The following SERTM1 variants were observed in gnomAD, a reference collection of about 807,000 sequenced individuals.
SERTM1 encodes the protein serine rich and transmembrane domain containing 1.
A neutral mutation model predicts 5.5 loss-of-function variants in SERTM1; 1 was observed. The observed-to-expected ratio is 0.18, with a 90% confidence interval of 0.06 to 0.86. SERTM1 has a LOEUF of 0.86. Ranked by LOEUF, SERTM1 falls within the 40% of genes least tolerant of loss-of-function variation. The probability of loss-of-function intolerance (pLI) is 0.69; values close to 1 mark genes in which losing one functional copy is unlikely to be tolerated. For missense variants in SERTM1, 91 were observed against 122.4 expected, an observed-to-expected ratio of 0.74 and a Z score of 1.21; for synonymous variants, 52 against 55.1, an observed-to-expected ratio of 0.94 and a Z score of 0.25.
rs535939488 is a variant in SERTM1 at position 36,688,403 on chromosome 13, G to A, written c.-173-6503G>A. 3.9e-4 allele frequency among the ~76,000 whole-genome samples: 60 copies of A among 152,072 alleles called. 3 individuals are homozygous for A. The South Asian group carries it at 9.6e-3, about 24-fold the overall frequency. On this transcript the variant is annotated intron_variant, in intron 1 of 1. Transcript: ENST00000315190. ...AATTTTTGTATTTTTTGTAGAGATA[G>A]GTTTTCTTCATGTTGCCCAGGCTGG...
Position 36,696,971 on chromosome 13 carries a change from C to G in SERTM1, c.*1569C>G, listed in dbSNP as rs1360541211. ...AATCCACTATTTGTACAGGGTTTAT[C>G]TTTATCATACTAAAATGCTGAGTGA... is the stretch of plus-strand genomic sequence containing the variant. On this transcript the variant is annotated 3_prime_UTR_variant, in exon 2 of 2. Coordinates refer to ENST00000315190, the MANE Select transcript of SERTM1 (RefSeq NM_203451.3). 6.0e-6 allele frequency: 1 copy of G among 166,956 alleles called. No individual in the cohort carries two copies. The highest frequency in any genetic ancestry group is 2.4e-5 in the African/African-American group (1 of 41,406). 10.3% of individuals were successfully genotyped at this position (166,956 alleles called of 1,614,324 possible).
chr13:36,683,801 C>T (rs750183549), intron 1 of SERTM1, among the ~76,000 whole-genome samples: 136 of 152,276 alleles, frequency 8.9e-4, no homozygotes, highest in Middle Eastern at 6.8e-3. Flanking sequence ...AACATGAAAT[C>T]CTACGACAGG....
chr13:36,676,027 G>T (rs2056667698), intron 1 of SERTM1, among the ~76,000 whole-genome samples: 1 of 151,992 alleles, frequency 6.6e-6, no homozygotes, highest in Admixed American at 6.6e-5. Context: ...CTGTTAGTTC[G>T]TTCAGTTCAA....
chr13:36,682,150 C>A (rs559115160), intron 1 of SERTM1, among the ~76,000 whole-genome samples: 6 of 152,240 alleles, frequency 3.9e-5, no homozygotes, highest in South Asian at 2.1e-4. Flanking sequence ...AATAAACATT[C>A]TTTTGCCTGT....
At chr13:36,676,854 A>G (rs1566225611) in intron 1 of SERTM1, among the ~76,000 whole-genome samples, 1 of 152,252 alleles carries the variant, frequency 6.6e-6, no homozygotes, top group Non-Finnish European at 1.5e-5. Flanking sequence ...TAGGGAAGCC[A>G]ACAAGGAAGA....
At chr13:36,680,806 G>A (rs1436469573) in intron 1 of SERTM1, among the ~76,000 whole-genome samples, 2 of 152,126 alleles carry the variant, frequency 1.3e-5, no homozygotes, top group Non-Finnish European at 2.9e-5. Flanking sequence ...AGGCTGGAGT[G>A]CAGTGGTGCG....
intron 1 of SERTM1, among the ~76,000 whole-genome samples, chr13:36,674,648 C>A (rs2056658715): frequency 2.0e-5 from 3 of 152,026 alleles, no homozygotes; most frequent in South Asian, 4.2e-4. Flanking sequence ...GAGGGTCATT[C>A]TTGGGTTTGT....
At chr13:36,688,023 A>G (rs191915060) in intron 1 of SERTM1, among the ~76,000 whole-genome samples, 9 of 152,198 alleles carry the variant, frequency 5.9e-5, no homozygotes, top group African/African-American at 1.2e-4. Context: ...AATTTATTTT[A>G]CAAGCACAAA....
chr13:36,684,157 C>CGTG (rs927289511), intron 1 of SERTM1, among the ~76,000 whole-genome samples: 3 of 152,142 alleles, frequency 2.0e-5, no homozygotes, highest in African/African-American at 7.2e-5. Context: ...ATTAGCCGGA[C>CGTG]GTGGTGGTGG....
intron 1 of SERTM1, among the ~76,000 whole-genome samples, chr13:36,677,932 C>G (rs749010046): frequency 8.6e-5 from 13 of 151,906 alleles, no homozygotes; most frequent in Non-Finnish European, 1.9e-4. Flanking sequence ...TACATTTAAC[C>G]CCTGTTAGGA....
At chr13:36,678,508 T>C (rs896440250) in intron 1 of SERTM1, among the ~76,000 whole-genome samples, 2 of 151,352 alleles carry the variant, frequency 1.3e-5, no homozygotes, top group African/African-American at 4.9e-5. Flanking sequence ...CTGGGGCCTG[T>C]TGGGGTGGGG....
At chr13:36,690,619 T>C (rs1180483204) in intron 1 of SERTM1, among the ~76,000 whole-genome samples, 1 of 152,198 alleles carries the variant, frequency 6.6e-6, no homozygotes, top group Non-Finnish European at 1.5e-5. Flanking sequence ...AGGTCTTATA[T>C]AAAACATGCA....
rs552992210 is a variant in SERTM1, at chr13:36,677,037, G to A, written c.-174+2853G>A. On this transcript the variant is annotated intron_variant, in intron 1 of 1. Coordinates refer to ENST00000315190, the MANE Select transcript of SERTM1 (RefSeq NM_203451.3). ...GCATTCACGGGCCATTTCAGGAGCC[G>A]GGCAACAGTCTACTGGGCCAAATTC... Among the ~76,000 whole-genome samples, 44 of 152,196 alleles carry A rather than the reference G, an allele frequency of 2.9e-4. No homozygotes were observed. In the South Asian group the frequency reaches 8.9e-3, roughly 31 times the overall value.
At position 36,679,146 on chromosome 13, in the gene SERTM1, CA is replaced by C. The variant is rs201605551; in HGVS notation, c.-174+4972del. 6.0e-4 allele frequency among the ~76,000 whole-genome samples: 90 copies of C among 150,188 alleles called. 1 individual carries two copies. The South Asian group carries it at 0.011, about 18-fold the overall frequency. ...ACACCCATATAAATGGTGCCAGGCTCAAAAAAAAAATTTACTAATGCATGTT... is the reference window on the plus strand; with the variant it reads ...ACACCCATATAAATGGTGCCAGGCTCAAAAAAAAATTTACTAATGCATGTT... On this transcript the variant is annotated intron_variant, in intron 1 of 1. Coordinates refer to ENST00000315190, the MANE Select transcript of SERTM1 (RefSeq NM_203451.3).
chr13:36,684,381 C>A (rs996210946), intron 1 of SERTM1, among the ~76,000 whole-genome samples: 1 of 152,012 alleles, frequency 6.6e-6, no homozygotes, highest in African/African-American at 2.4e-5. Context: ...TGAGTTGTGG[C>A]GATTAAAGAA....
At chr13:36,679,348 T>C (rs1270276211) in intron 1 of SERTM1, among the ~76,000 whole-genome samples, 1 of 152,220 alleles carries the variant, frequency 6.6e-6, no homozygotes, top group African/African-American at 2.4e-5. Flanking sequence ...ACAAGTATTC[T>C]TGAGATGCAA....
intron 1 of SERTM1, among the ~76,000 whole-genome samples, chr13:36,687,921 G>C (rs549618601): frequency 2.7e-4 from 41 of 152,084 alleles, no homozygotes; most frequent in Middle Eastern, 3.4e-3. Context: ...AGGCCCCAAG[G>C]CCTGAGGATA....
At position 36,695,165 on chromosome 13, in the gene SERTM1, G is replaced by T. The variant is rs202230256; in HGVS notation, c.87G>T (p.Thr29=). 4.5e-5 allele frequency: 73 copies of T among 1,613,020 alleles called. No individual in the cohort carries two copies. The highest frequency in any genetic ancestry group is 6.1e-5 in the Non-Finnish European group (72 of 1,178,962). The change falls in exon 2 of 2, where the codon ACG becomes ACT. Residue 29 remains threonine (T), a synonymous_variant. Transcript: ENST00000315190. ...AGCTGTTTCCCACATCCCTGTCCACGTCAGTGGACCCATCCTCAGGCCACC... is the reference window on the plus strand; with the variant it reads ...AGCTGTTTCCCACATCCCTGTCCACTTCAGTGGACCCATCCTCAGGCCACC... ...FLELFPTSLS[T]SVDPSSGHLS...
At chr13:36,694,231 T>C (rs574814254) in intron 1 of SERTM1, among the ~76,000 whole-genome samples, 1 of 152,300 alleles carries the variant, frequency 6.6e-6, no homozygotes, top group Non-Finnish European at 1.5e-5. Flanking sequence ...CAAACCTAAG[T>C]CTCTTGACAG....
Sources: allele counts gnomAD v4.1 joint callset (sites outside exome capture counted in the v4.1 genomes callset), GRCh38; gene constraint gnomAD v4.1.1; transcripts MANE v1.5; gene names NCBI Gene and HGNC (gene_info 2026-07-23, HGNC 2026-07-21).